COL23A1: variants seen among roughly 807,000 people sequenced by gnomAD.
The protein encoded by COL23A1 is collagen type XXIII alpha 1 chain.
A neutral mutation model predicts 99.3 loss-of-function variants in COL23A1; 97 were observed. The observed-to-expected ratio is 0.98, with a 90% CI of 0.83 to 1.16. The LOEUF is 1.16. COL23A1 is among the 50% of genes most tolerant of loss of function. COL23A1 has a pLI of 0.00. For synonymous variants in COL23A1, 320 were observed against 308.2 expected (o/e 1.04, Z -0.40); for missense variants, 762 against 757.4 (o/e 1.01, Z -0.07).
chr5:178,357,766 A>ATG (rs1242086218), intron 2 of COL23A1, among the ~76,000 whole-genome samples: 1 of 114,856 alleles, frequency 8.7e-6, no homozygotes, highest in African/African-American at 3.7e-5. Context: ...GTGTACGTGT[A>ATG]TGTATGTGTG....
rs1562025503 is a variant in COL23A1, at chr5:178,498,230, ATATATATATATATATATATATAT to A, written c.361+62429_361+62451del. 8.4e-3 allele frequency among the ~76,000 whole-genome samples: 612 copies of A among 72,890 alleles called. 26 individuals carry two copies. Among genetic ancestry groups the A allele is most frequent in the African/African-American group, 0.033 (591 of 18,048 alleles). 47.8% of individuals were successfully genotyped at this position (72,890 alleles called of 152,430 possible). On this transcript the variant is annotated intron_variant, in intron 2 of 28. Transcript: ENST00000390654. ...AATATATATATATATATATATATAT[ATATATATATATATATATATATAT>A]ATATAAAAGAACTTAAAAATAAAAA...
intron 2 of COL23A1, among the ~76,000 whole-genome samples, chr5:178,399,799 C>T (rs112569070): frequency 7.2e-5 from 11 of 152,176 alleles, no homozygotes; most frequent in South Asian, 2.1e-4. Context: ...GTATCCAGAG[C>T]GGCCAGGCTT....
At chr5:178,472,831 A>T (rs891770961) in intron 2 of COL23A1, among the ~76,000 whole-genome samples, 28 of 152,300 alleles carry the variant, frequency 1.8e-4, no homozygotes, top group African/African-American at 4.1e-4. Flanking sequence ...AAATATTTTT[A>T]AAAAATACAC....
chr5:178,284,439 T>C lies in COL23A1; in HGVS notation c.441+3885A>G, dbSNP rs535428575. The stretch of plus-strand genomic sequence containing the variant: ...CACAGTTGGCCAGCATTTGGGGAAA[T>C]AGACAGCATTTATTCATTGTTGGTG... On this transcript the variant is annotated intron_variant, in intron 5 of 28. Transcript: ENST00000390654. Among the ~76,000 whole-genome samples the C allele has an allele frequency of 4.9e-4, 74 of 152,336 alleles. No individual in the cohort carries two copies. In the South Asian group the frequency reaches 0.014, roughly 29 times the overall value.
At chr5:178,528,350 A>C (rs1396641896) in intron 2 of COL23A1, among the ~76,000 whole-genome samples, 1 of 152,106 alleles carries the variant, frequency 6.6e-6, no homozygotes, top group Admixed American at 6.5e-5. Flanking sequence ...CTTTTCTGCT[A>C]ATGACAGCCT....
At chr5:178,469,570 C>T (rs1316004759) in intron 2 of COL23A1, among the ~76,000 whole-genome samples, 3 of 152,020 alleles carry the variant, frequency 2.0e-5, no homozygotes, top group African/African-American at 7.2e-5. Flanking sequence ...CGGGGAAAGA[C>T]CACAGCTGAG....
chr5:178,585,230 G>T (rs920703268), intron 1 of COL23A1, among the ~76,000 whole-genome samples: 1 of 152,130 alleles, frequency 6.6e-6, no homozygotes, highest in Admixed American at 6.5e-5. Context: ...CTGAACCCCC[G>T]CTCTGCCCCA....
At chr5:178,345,105 A>G (rs1760886828) in intron 2 of COL23A1, 2 of 595,544 alleles carry the variant, frequency 3.4e-6, no homozygotes, top group Non-Finnish European at 6.5e-6. Context: ...AATTGGCACG[A>G]CATCTCCCAG....
chr5:178,418,009 G>A (rs1009259726), intron 2 of COL23A1, among the ~76,000 whole-genome samples: 1 of 152,236 alleles, frequency 6.6e-6, no homozygotes, highest in African/African-American at 2.4e-5. Context: ...AAGGAGCCCT[G>A]GGCTGCCAGT....
chr5:178,486,755 G>A (rs894822015), intron 2 of COL23A1, among the ~76,000 whole-genome samples: 1 of 152,160 alleles, frequency 6.6e-6, no homozygotes, highest in African/African-American at 2.4e-5. Context: ...TATCTAAAAA[G>A]GAGCCCAAGT....
At chr5:178,343,664 T>TATATATATA (rs141882396) in intron 2 of COL23A1, among the ~76,000 whole-genome samples, 13 of 128,806 alleles carry the variant, frequency 1.0e-4, no homozygotes, top group Admixed American at 3.1e-4. Context: ...TATATATATA[T>TATATATATA]TTTTTTTTTT....
intron 2 of COL23A1, among the ~76,000 whole-genome samples, chr5:178,358,524 T>C (rs1349720389): frequency 3.0e-5 from 4 of 134,624 alleles, no homozygotes; most frequent in Non-Finnish European, 6.4e-5. Context: ...TGTGTGTATG[T>C]ATGTCTAGTG....
chr5:178,307,379 C>T lies in COL23A1; in HGVS notation c.362-460G>A, dbSNP rs1396399616. 1.3e-5 allele frequency among the ~76,000 whole-genome samples: 2 copies of T among 152,240 alleles called. No individual in the cohort carries two copies. The highest frequency in any genetic ancestry group is 1.5e-5 in the Non-Finnish European group (1 of 68,042). The stretch of plus-strand genomic sequence containing the variant: ...AAAGCCAACACAACAAAGAGGCCAT[C>T]ACGGCCGCGCAGCGCCGAAATCCAC... On this transcript the variant is annotated intron_variant, in intron 2 of 28. Transcript: ENST00000390654. The surrounding 1 kb of genome is among the most constrained non-coding windows in gnomAD (Gnocchi z 4.2).
chr5:178,552,753 C>T (rs552677807), intron 2 of COL23A1, among the ~76,000 whole-genome samples: 16 of 151,370 alleles, frequency 1.1e-4, no homozygotes, highest in South Asian at 4.2e-4. Context: ...CTCACTCTGT[C>T]GCCAGGCTGG....
chr5:178,526,697 CAAGG>C (rs1299414301), intron 2 of COL23A1, among the ~76,000 whole-genome samples: 5 of 151,932 alleles, frequency 3.3e-5, no homozygotes, highest in African/African-American at 1.2e-4. Flanking sequence ...ACTGCTGGGC[CAAGG>C]ATAGAGGGGG....
At chr5:178,562,664 A>G (rs939929050) in intron 1 of COL23A1, 6 of 151,602 alleles carry the variant, frequency 4.0e-5, no homozygotes, top group African/African-American at 1.5e-4. Context: ...AAGGAGATTT[A>G]TTGTGAAGAG....
chr5:178,424,560 G>A (rs1429672814), intron 2 of COL23A1, among the ~76,000 whole-genome samples: 1 of 152,204 alleles, frequency 6.6e-6, no homozygotes, highest in Non-Finnish European at 1.5e-5. Context: ...CAGTGCTAGG[G>A]CCAGGACAAG....
At chr5:178,476,577 C>G (rs781492527) in intron 2 of COL23A1, among the ~76,000 whole-genome samples, 2 of 152,194 alleles carry the variant, frequency 1.3e-5, no homozygotes, top group Non-Finnish European at 2.9e-5. Flanking sequence ...GAATACAAAG[C>G]GTGTGCGCTG....
At chr5:178,289,715 C>T (rs973061748) in intron 4 of COL23A1, among the ~76,000 whole-genome samples, 5 of 152,206 alleles carry the variant, frequency 3.3e-5, no homozygotes, top group African/African-American at 9.7e-5. Context: ...TTTAAAGCTA[C>T]GGACATGGTG....
Sources: gnomAD v4.1 joint callset for allele counts (sites outside exome capture counted in the v4.1 genomes callset) on GRCh38, gnomAD v4.1.1 for gene constraint, Gnocchi (gnomAD v3.1) non-coding constraint, MANE v1.5 for transcripts, NCBI Gene and HGNC (gene_info 2026-07-23, HGNC 2026-07-21) for gene names.